The following USP2 variants were observed in gnomAD, a reference collection of about 807,000 sequenced individuals.
USP2 encodes ubiquitin carboxyl-terminal hydrolase 2.
In USP2, 33 loss-of-function variants were observed where a neutral mutation model predicts 72.0. That is an observed-to-expected ratio of 0.46 (90% CI 0.35 to 0.61). USP2 has a LOEUF of 0.61. Among genes scored for constraint, USP2 ranks in the 20% least tolerant of loss-of-function variants. The probability of loss-of-function intolerance (pLI) is 0.01; values close to 1 mark genes in which losing one functional copy is unlikely to be tolerated. For synonymous variants in USP2, 296 were observed against 312.5 expected (o/e 0.95, Z 0.56); for missense variants, 691 against 797.8 (o/e 0.87, Z 1.61).
At chr11:119,371,236 G>A (rs1030017732) in intron 2 of USP2, among the ~76,000 whole-genome samples, 1 of 152,086 alleles carries the variant, frequency 6.6e-6, no homozygotes, top group Non-Finnish European at 1.5e-5. Flanking sequence ...TCTGAGCAAG[G>A]GGAGGGAGCC....
chr11:119,379,115 C>G, intron 1 of USP2: 3 of 985,448 alleles, frequency 3.0e-6, no homozygotes, highest in East Asian at 1.1e-4. Context: ...CTGGGTAATC[C>G]GGAGCTCAGG....
At chr11:119,360,077 G>T in intron 3 of USP2, 107 bp downstream of exon 3, 1 of 1,398,314 alleles carries the variant, frequency 7.2e-7, no homozygotes, top group South Asian at 1.2e-5. Flanking sequence ...CCAACTGGCT[G>T]AACGGGTAGG....
At chr11:119,361,921 T>G (rs1475614687) in intron 2 of USP2, among the ~76,000 whole-genome samples, 1 of 152,124 alleles carries the variant, frequency 6.6e-6, no homozygotes, top group Non-Finnish European at 1.5e-5. Context: ...CAGAGATAAT[T>G]CCCTGGGACA....
intron 12 of USP2, 94 bp downstream of exon 12, chr11:119,357,093 G>C: frequency 1.6e-6 from 2 of 1,231,704 alleles, no homozygotes; most frequent in East Asian, 5.7e-5. Context: ...GCCGTGCGGG[G>C]GGTGGGAGGG....
At chr11:119,369,893 T>C (rs1449144751) in intron 2 of USP2, among the ~76,000 whole-genome samples, 1 of 152,072 alleles carries the variant, frequency 6.6e-6, no homozygotes, top group African/African-American at 2.4e-5. Flanking sequence ...AAGAACTTCT[T>C]CTTGGCCAGG....
Position 119,358,140 on chromosome 11 carries a change from G to C in USP2, c.1341+9C>G. 4 of 1,614,064 alleles carry C rather than the reference G, an allele frequency of 2.5e-6. No homozygotes were observed. The highest frequency in any genetic ancestry group is 3.4e-6 in the Non-Finnish European group (4 of 1,179,968). ...GGAGTTCAACAAGGCGGGCAACTGGGGTGCATACCTTAGCAATGGGCAGTG... is the reference window on the plus strand; with the variant it reads ...GGAGTTCAACAAGGCGGGCAACTGGCGTGCATACCTTAGCAATGGGCAGTG... On this transcript the variant is annotated intron_variant, in intron 8 of 12. Coordinates refer to ENST00000260187, the MANE Select transcript of USP2 (RefSeq NM_004205.5).
Position 119,373,218 on chromosome 11 carries a change from C to G in USP2, c.263G>C (p.Gly88Ala), listed in dbSNP as rs760688081. The change falls in exon 2 of 13, where the codon GGT becomes GCT. Residue 88 changes from glycine (G) to alanine (A), a missense_variant. Physicochemically the swap from Gly to Ala is moderately conservative, Grantham distance 60 (BLOSUM62 0). Coordinates refer to ENST00000260187, the MANE Select transcript of USP2 (RefSeq NM_004205.5). ...GGTCTGGCTCTCTGCCCGCTTACCA[C>G]CCCCAGTGATGTCGGGTCTCAGCAG... ...RPLLRPDITG[G>A]GKRAESQTRG... 5 of 1,614,064 alleles carry G rather than the reference C, an allele frequency of 3.1e-6. No homozygotes were observed. The highest frequency in any genetic ancestry group is 1.7e-5 in the Admixed American group (1 of 60,014).
At chr11:119,373,618 T>A in intron 1 of USP2, 97 bp from the exon 2 acceptor site, 1 of 1,184,422 alleles carries the variant, frequency 8.4e-7, no homozygotes, top group Non-Finnish European at 1.1e-6. Context: ...ACCTCAGAGC[T>A]CCCAGTCCAT....
intron 12 of USP2, 55 bp from the exon 13 acceptor site, chr11:119,356,977 C>T: frequency 6.5e-7 from 1 of 1,540,468 alleles, no homozygotes; most frequent in South Asian, 1.2e-5. Context: ...AGACCCCCCG[C>T]CGGCTTCTTT....
chr11:119,370,576 G>A (rs568874562), intron 2 of USP2, among the ~76,000 whole-genome samples: 2 of 148,876 alleles, frequency 1.3e-5, no homozygotes, highest in Admixed American at 1.4e-4. Flanking sequence ...TCTCACCTCA[G>A]CAAGACGCAC....
chr11:119,362,203 A>G (rs10790291), intron 2 of USP2, among the ~76,000 whole-genome samples: 119,906 of 152,054 alleles, frequency 0.79, 47,523 homozygotes, highest in East Asian at 0.89. Context: ...TAATGGGGGT[A>G]GGGAAATGGG....
Position 119,360,387 on chromosome 11 carries a change from G to C in USP2, c.775-153C>G, listed in dbSNP as rs572023495. ...CTTTACCCATCTATGTACTTTGTAG[G>C]AAAGAGGATTGAGGAATGCCTGTGA... is the stretch of plus-strand genomic sequence containing the variant. On this transcript the variant is annotated intron_variant, in intron 2 of 12. Transcript: ENST00000260187. The C allele has an allele frequency of 3.7e-6, 3 of 800,760 alleles. No individual in the cohort carries two copies. The African/African-American group carries it at 5.1e-5, about 14-fold the overall frequency. The allele number at this position is 800,760 out of a possible 1,614,324, so 49.6% of individuals were successfully genotyped here.
intron 3 of USP2, 37 bp from the exon 4 acceptor site, chr11:119,359,697 G>C: frequency 6.2e-7 from 1 of 1,607,448 alleles, no homozygotes; most frequent in Non-Finnish European, 8.5e-7. Context: ...GGGGAGACGA[G>C]AGTCCCACCT....
Position 119,358,201 on chromosome 11 carries a change from T to G in USP2, c.1289A>C (p.Tyr430Ser). The G allele has an allele frequency of 6.2e-7, 1 of 1,613,872 alleles. No individual in the cohort carries two copies. Among genetic ancestry groups the G allele is most frequent in the South Asian group, 1.1e-5 (1 of 91,070 alleles). Residue 430 changes from tyrosine (Y) to serine (S), a missense_variant, in exon 8 of 13, where the codon TAC (tyrosine) becomes TCC (serine). Coordinates refer to ENST00000260187, the MANE Select transcript of USP2 (RefSeq NM_004205.5). ...GAAGGGGTCGAAGACCGTAGAACAG[T>G]AACCACAATCTGTACACGTCAGCGA... The part of the protein sequence containing the change: ...KSSLTCTDCG[Y>S]CSTVFDPFWD...
At chr11:119,372,555 C>G in intron 2 of USP2, 152 bp downstream of exon 2, 1 of 836,132 alleles carries the variant, frequency 1.2e-6, no homozygotes, top group Non-Finnish European at 1.8e-6. Context: ...GCCCCAGGGG[C>G]ACCAGATGTG....
At chr11:119,379,613 G>A (rs1951037533) in intron 1 of USP2, among the ~76,000 whole-genome samples, 1 of 152,174 alleles carries the variant, frequency 6.6e-6, no homozygotes, top group African/African-American at 2.4e-5. Context: ...GCCTGGGATT[G>A]GAGGCTAGTT....
Position 119,360,190 on chromosome 11 carries a change from C to T in USP2, c.819G>A (p.Gly273=), listed in dbSNP as rs1239648372. 1 of 1,613,592 alleles carries T rather than the reference C, an allele frequency of 6.2e-7. No individual in the cohort carries two copies. Among genetic ancestry groups the T allele is most frequent in the African/African-American group, 1.3e-5 (1 of 74,888 alleles). ...CAGGCCAGGAAAAACTCACCGTGTT[C>T]CCAAGGTTTCGAAGACCAGCCAGAC... is the stretch of plus-strand genomic sequence containing the variant. The part of the protein sequence containing the change: ...AQGLAGLRNL[G]NTCFMNSILQ... The change falls in exon 3 of 13, where the codon GGG becomes GGA. Residue 273 remains glycine, a synonymous_variant. Coordinates refer to ENST00000260187, the MANE Select transcript of USP2 (RefSeq NM_004205.5).
chr11:119,359,620 C>T lies in USP2; in HGVS notation c.866G>A (p.Arg289Gln), dbSNP rs149322772. The change falls in exon 4 of 13, where the codon CGG (arginine) becomes CAG (glutamine). Residue 289 changes from arginine to glutamine, a missense_variant. Coordinates refer to ENST00000260187, the MANE Select transcript of USP2 (RefSeq NM_004205.5). ...NSILQCLSNT[R>Q]ELRDYCLQRL... ...CTGGAGGCAGTAATCTCTCAACTCC[C>T]GAGTGTTGCTCAGGCACTGCAGAAT... is the stretch of plus-strand genomic sequence containing the variant. 3.2e-4 allele frequency: 514 copies of T among 1,613,914 alleles called. 5 individuals are homozygous for T. In the African/African-American group the frequency reaches 6.1e-3, roughly 19 times the overall value.
chr11:119,368,300 C>G (rs1950881817), intron 2 of USP2, among the ~76,000 whole-genome samples: 1 of 152,166 alleles, frequency 6.6e-6, no homozygotes, highest in South Asian at 2.1e-4. Flanking sequence ...AGGACAGACC[C>G]CAGGATCTCA....
Sources: gnomAD v4.1 joint callset for allele counts (sites outside exome capture counted in the v4.1 genomes callset) on GRCh38, gnomAD v4.1.1 for gene constraint, MANE v1.5 for transcripts, NCBI Gene and HGNC (gene_info 2026-07-23, HGNC 2026-07-21) for gene names.